ITGAD: variants seen among roughly 807,000 people sequenced by gnomAD.
The protein encoded by ITGAD is integrin alpha-D.
In ITGAD, 105 loss-of-function variants were observed where a neutral mutation model predicts 139.0. The observed-to-expected ratio is 0.76, with a 90% confidence interval of 0.65 to 0.89. ITGAD has a LOEUF of 0.89. ITGAD is among the 40% of genes least tolerant of loss of function. The pLI is 0.00. For synonymous variants in ITGAD, 569 were observed against 598.3 expected (o/e 0.95, Z 0.71); for missense variants, 1,384 against 1,487.3 (o/e 0.93, Z 1.14).
At chr16:31,395,302 AGAGT>A (rs1325484623) in intron 2 of ITGAD, among the ~76,000 whole-genome samples, 1 of 151,980 alleles carries the variant, frequency 6.6e-6, no homozygotes, top group Non-Finnish European at 1.5e-5. Flanking sequence ...CCTAGGTGAC[AGAGT>A]GAGACTCCGT....
At position 31,407,838 on chromosome 16, in the gene ITGAD, C is replaced by A; in HGVS notation, c.931C>A (p.His311Asn). ...CATCAGCTCAGCGCCTCCGCAGGAC[C>A]ACGTGTTCAAGGTGGACAACTTTGC... ...NTISSAPPQD[H>N]VFKVDNFAAL... Residue 311 changes from histidine to asparagine, a missense_variant, in exon 9 of 30, where the codon CAC becomes AAC. Coordinates refer to ENST00000389202, the MANE Select transcript of ITGAD (RefSeq NM_005353.3). 1 of 1,611,718 alleles carries A rather than the reference C, an allele frequency of 6.2e-7. No homozygotes were observed. The highest frequency in any genetic ancestry group is 1.1e-5 in the South Asian group (1 of 91,032).
At chr16:31,393,987 C>T (rs758162196) in intron 1 of ITGAD, among the ~76,000 whole-genome samples, 7 of 151,848 alleles carry the variant, frequency 4.6e-5, no homozygotes, top group Admixed American at 1.3e-4. Flanking sequence ...AAAAATTAGC[C>T]GGGCATGGTG....
intron 20 of ITGAD, among the ~76,000 whole-genome samples, chr16:31,417,685 C>G (rs1170976262): frequency 2.0e-5 from 3 of 152,154 alleles, no homozygotes; most frequent in African/African-American, 7.2e-5. Flanking sequence ...TGGCTCACAC[C>G]TGTAATCCCA....
At chr16:31,402,356 G>A (rs1418922119) in intron 6 of ITGAD, 111 bp downstream of exon 6, 1 of 993,264 alleles carries the variant, frequency 1.0e-6, no homozygotes, top group Non-Finnish European at 1.5e-6. Flanking sequence ...GATGGGGCTG[G>A]GGTGGAGAAT....
chr16:31,424,582 GT>G lies in ITGAD; in HGVS notation c.3372+6del. ...ATCACAGCCACACTGTACAAGGCAA[GT>G]GTTTTATCCAACTCTTTTTTTTTTT... On this transcript the variant is annotated splice_donor_region_variant and intron_variant, in intron 29 of 29. Coordinates refer to ENST00000389202, the MANE Select transcript of ITGAD (RefSeq NM_005353.3). 2.0e-6 allele frequency: 3 copies of G among 1,519,442 alleles called. No individual in the cohort carries two copies. The highest frequency in any genetic ancestry group is 2.7e-6 in the Non-Finnish European group (3 of 1,114,818). The allele number at this position is 1,519,442 out of a possible 1,614,324, so 94.1% of individuals were successfully genotyped here. A position where few individuals can be genotyped will look rare whatever the true frequency, so the allele number is the denominator to read the frequency against.
At chr16:31,413,404 C>A (rs2081791718) in intron 16 of ITGAD, among the ~76,000 whole-genome samples, 158 bp downstream of exon 16, 1 of 152,128 alleles carries the variant, frequency 6.6e-6, no homozygotes, top group African/African-American at 2.4e-5. Context: ...CTTCCTCACA[C>A]CTGGGCCTGT....
Position 31,423,938 on chromosome 16 carries a change from A to G in ITGAD, c.3139A>G (p.Ser1047Gly), listed in dbSNP as rs1231138888. The stretch of plus-strand genomic sequence containing the variant: ...GGATTTCACCCTGAAGGGCAATCTC[A>G]GTTTCGGCTGGGTCCGCGAGGTGTG... ...ELDFTLKGNL[S>G]FGWVRETLQK... Residue 1047 changes from serine to glycine, a missense_variant, in exon 27 of 30, where the codon AGT becomes GGT. Transcript: ENST00000389202. 3 of 1,613,934 alleles carry G rather than the reference A, an allele frequency of 1.9e-6. No individual in the cohort carries two copies. The highest frequency in any genetic ancestry group is 1.7e-6 in the Non-Finnish European group (2 of 1,179,888).
rs185106021 is a variant in ITGAD, at chr16:31,399,044, C to A, written c.427+1135C>A. 1.8e-3 allele frequency among the ~76,000 whole-genome samples: 268 copies of A among 152,274 alleles called. 1 individual carries two copies. The highest frequency in any genetic ancestry group is 6.1e-3 in the African/African-American group (252 of 41,552). ...GCAAATGACAGGGCTGCGGAAAATG[C>A]GATGTGCAATTTTGTCAGTGCCCAT... On this transcript the variant is annotated intron_variant, in intron 5 of 29. Transcript: ENST00000389202.
Position 31,424,552 on chromosome 16 carries a change from C to A in ITGAD, c.3347C>A (p.Ala1116Glu). Reference sequence around the variant, plus strand: ...TCTGTGGGGGCTCTGCTACTGCTGGCGCTCATCACAGCCACACTGTACAAG... The same window carrying A: ...TCTGTGGGGGCTCTGCTACTGCTGGAGCTCATCACAGCCACACTGTACAAG... Reference protein sequence around the residue: ...GSSVGALLLLALITATLYKLG... With the variant: ...GSSVGALLLLELITATLYKLG... Residue 1116 changes from alanine to glutamate, a missense_variant, in exon 29 of 30, where the codon GCG becomes GAG. Coordinates refer to ENST00000389202, the MANE Select transcript of ITGAD (RefSeq NM_005353.3). 2 of 1,611,608 alleles carry A rather than the reference C, an allele frequency of 1.2e-6. No individual in the cohort carries two copies. The highest frequency in any genetic ancestry group is 1.7e-6 in the Non-Finnish European group (2 of 1,178,342).
intron 18 of ITGAD, 54 bp from the exon 19 acceptor site, chr16:31,416,159 C>T: frequency 2.1e-6 from 3 of 1,429,678 alleles, no homozygotes; most frequent in Non-Finnish European, 2.9e-6. Context: ...TAAGGAGGGG[C>T]TTGGAGAAAG....
rs1244408855 is a variant in ITGAD at position 31,403,525 on chromosome 16, T to G, written c.584T>G (p.Leu195Arg). The change falls in exon 7 of 30, where the codon CTC (leucine) becomes CGC (arginine). Residue 195 changes from leucine to arginine, a missense_variant. Physicochemically the swap from Leu to Arg is moderately radical, Grantham distance 102. Coordinates refer to ENST00000389202, the MANE Select transcript of ITGAD (RefSeq NM_005353.3). This position sits in a 1 kb window ranked among gnomAD's most constrained non-coding sequence, Gnocchi z 4.4. ...TTTGCACTGATGCAGTACTCAAACC[T>G]CCTGAAGATCCACTTCACCTTCACC... ...TLFALMQYSN[L>R]LKIHFTFTQF... The G allele has an allele frequency of 6.2e-7, 1 of 1,614,048 alleles. No individual in the cohort carries two copies. Among genetic ancestry groups the G allele is most frequent in the Non-Finnish European group, 8.5e-7 (1 of 1,180,000 alleles).
At position 31,411,080 on chromosome 16, in the gene ITGAD, GCTC is replaced by G. The variant is rs761368503; in HGVS notation, c.1364_1366del (p.Ser455del). On this transcript the variant is annotated inframe_deletion, in exon 13 of 30. Coordinates refer to ENST00000389202, the MANE Select transcript of ITGAD (RefSeq NM_005353.3). ...GACCCAGGCTCTGCCCTCCAGATCG[GCTC>G]CTACTTCGGGGCCTCCCTCTGCTCT... 44 of 1,612,124 alleles carry G rather than the reference GCTC, an allele frequency of 2.7e-5. No individual in the cohort carries two copies. Among genetic ancestry groups the G allele is most frequent in the Non-Finnish European group, 3.7e-5 (44 of 1,179,890 alleles).
At chr16:31,412,714 A>C in intron 14 of ITGAD, 124 bp from the exon 15 acceptor site, 1 of 1,189,958 alleles carries the variant, frequency 8.4e-7, no homozygotes. Flanking sequence ...TGTTGGTGAC[A>C]TCTGTTCACA....
chr16:31,411,230 G>C lies in ITGAD; in HGVS notation c.1497+14G>C. 1 of 1,612,568 alleles carries C rather than the reference G, an allele frequency of 6.2e-7. No homozygotes were observed. ...TTGCCTAGGGGGGTGAGTGGCTGAT[G>C]GGACCTAGGCTGGGTGGGGTCCGGT... On this transcript the variant is annotated intron_variant, in intron 13 of 29. Coordinates refer to ENST00000389202, the MANE Select transcript of ITGAD (RefSeq NM_005353.3).
At chr16:31,393,525 G>T in intron 1 of ITGAD, 134 bp downstream of exon 1, 1 of 923,664 alleles carries the variant, frequency 1.1e-6, no homozygotes, top group African/African-American at 1.6e-5. Flanking sequence ...TGCTTCATGT[G>T]CGAGTGGCCC....
chr16:31,407,298 G>A (rs1027605526), intron 7 of ITGAD, among the ~76,000 whole-genome samples: 26 of 152,216 alleles, frequency 1.7e-4, no homozygotes, highest in African/African-American at 2.4e-5. Context: ...AGGTTGCAGT[G>A]AGTGGAGATC....
chr16:31,423,727 G>A, intron 26 of ITGAD, 79 bp downstream of exon 26: 2 of 1,528,608 alleles, frequency 1.3e-6, no homozygotes, highest in Non-Finnish European at 1.8e-6. Context: ...AGGCCACAGA[G>A]TTCCGTGCAT....
chr16:31,414,863 T>C lies in ITGAD; in HGVS notation c.2155T>C (p.Cys719Arg), dbSNP rs2081843568. ...TTGAAAGCCTGTTCTCTCTCAGGAT[T>C]GTGTGGAGGATGTGGTGAGCCCCAT... ...CETLKLLLPDCVEDVVSPIIL... is the reference protein window; with the variant it reads ...CETLKLLLPDRVEDVVSPIIL... The change falls in exon 18 of 30, where the codon TGT (cysteine) becomes CGT (arginine). Residue 719 changes from cysteine to arginine, a missense_variant. Physicochemically the swap from Cys to Arg is radical, Grantham distance 180 (BLOSUM62 -3). Coordinates refer to ENST00000389202, the MANE Select transcript of ITGAD (RefSeq NM_005353.3). 6.2e-7 allele frequency: 1 copy of C among 1,613,946 alleles called. No individual in the cohort carries two copies. Among genetic ancestry groups the C allele is most frequent in the East Asian group, 2.2e-5 (1 of 44,882 alleles).
At chr16:31,414,744 G>A (rs62051540) in intron 17 of ITGAD, 116 bp from the exon 18 acceptor site, 96,946 of 1,546,334 alleles carry the variant, frequency 0.063, 5,199 homozygotes, top group South Asian at 0.22. Context: ...AGGAGAACCT[G>A]GCTCCACGGC....
Sources: allele counts gnomAD v4.1 joint callset (sites outside exome capture counted in the v4.1 genomes callset), GRCh38; gene constraint gnomAD v4.1.1; non-coding constraint Gnocchi (gnomAD v3.1); transcripts MANE v1.5; gene names NCBI Gene and HGNC (gene_info 2026-07-23, HGNC 2026-07-21).